The following ERAP1 variants were observed in gnomAD, a reference collection of about 807,000 sequenced individuals.
ERAP1 encodes adipocyte-derived leucine aminopeptidase.
Under a neutral mutation model 103.7 loss-of-function variants are expected in ERAP1, and 86 were observed. The ratio of observed to expected loss-of-function variants is 0.83; its 90% CI spans 0.70 to 0.99. The LOEUF (loss-of-function observed/expected upper bound fraction) is 0.99. ERAP1 is among the 50% of genes least tolerant of loss of function. ERAP1 has a pLI of 0.00. For missense variants in ERAP1, 1,009 were observed against 1,128.4 expected (o/e 0.89, Z 1.52); for synonymous variants, 398 against 402.4 (o/e 0.99, Z 0.13).
At chr5:96,816,050 T>C in the ERAP1 span, among the ~76,000 whole-genome samples, 1 of 152,172 alleles carries the variant, frequency 6.6e-6, no homozygotes, top group Admixed American at 6.5e-5. Flanking sequence ...AAGCAGATTT[T>C]CCACACGTTA....
At chr5:96,886,826 A>T in the ERAP1 span, 2 of 1,370,206 alleles carry the variant, frequency 1.5e-6, no homozygotes, top group South Asian at 4.3e-5. Flanking sequence ...CAGTGCAGAA[A>T]AGTGTCCTGA....
intron 17 of ERAP1, 138 bp from the exon 18 acceptor site, chr5:96,780,642 G>A (rs1473146798): frequency 1.4e-6 from 1 of 728,254 alleles, no homozygotes; most frequent in African/African-American, 1.8e-5. Flanking sequence ...TCTATCCAAT[G>A]GGTTAAGATC....
rs6556940 is a variant in ERAP1 at position 96,795,022 on chromosome 5, T to C, written c.919+20A>G. Reference sequence around the variant, plus strand: ...TGTGTTCATCAAATGTCATGTGTAATATCTGTGCAAAATCTCTACCTTGTT... The same window carrying C: ...TGTGTTCATCAAATGTCATGTGTAACATCTGTGCAAAATCTCTACCTTGTT... On this transcript the variant is annotated intron_variant, in intron 5 of 18. Transcript: ENST00000443439. 1.3e-5 allele frequency: 21 copies of C among 1,613,544 alleles called. No individual in the cohort carries two copies. The African/African-American group carries it at 2.8e-4, about 22-fold the overall frequency.
chr5:96,795,060 A>G lies in ERAP1; in HGVS notation c.901T>C (p.Tyr301His). Residue 301 changes from tyrosine (Y) to histidine (H), a missense_variant, in exon 5 of 19, where the codon TAT becomes CAT. Physicochemically the swap from Tyr to His is moderately conservative, Grantham distance 83. Around this residue, in one of 3 missense-constraint regions of ERAP1, gnomAD observed 392 missense variants for 455.2 expected, o/e 0.86. Coordinates refer to ENST00000443439, the MANE Select transcript of ERAP1 (RefSeq NM_001040458.3). Reference sequence around the variant, plus strand: ...TCTCTACCTTGTTTGGGTAGGGGATACGGTATGCTGAAATAATCCTCATAA... The same window carrying G: ...TCTCTACCTTGTTTGGGTAGGGGATGCGGTATGCTGAAATAATCCTCATAA... The part of the protein sequence containing the change: ...EFYEDYFSIP[Y>H]PLPKQDLAAI... 6.2e-7 allele frequency: 1 copy of G among 1,614,050 alleles called. No homozygotes were observed. The highest frequency in any genetic ancestry group is 8.5e-7 in the Non-Finnish European group (1 of 1,179,984).
chr5:96,851,863 G>T, the ERAP1 span, among the ~76,000 whole-genome samples: 1 of 152,182 alleles, frequency 6.6e-6, no homozygotes, highest in East Asian at 1.9e-4. Flanking sequence ...GCTGAGACAC[G>T]TGGGAAAAGG....
chr5:96,884,281 A>T, the ERAP1 span, among the ~76,000 whole-genome samples: 6 of 152,292 alleles, frequency 3.9e-5, no homozygotes, highest in Admixed American at 2.6e-4. Context: ...GTCCAGATTA[A>T]TGGTCTGAGA....
chr5:96,879,705 TG>T, the ERAP1 span: 1 of 1,613,848 alleles, frequency 6.2e-7, no homozygotes. Context: ...TCTTCTGCAA[TG>T]GTTAATTCAC....
the ERAP1 span, among the ~76,000 whole-genome samples, chr5:96,831,747 A>G: frequency 6.6e-6 from 1 of 152,192 alleles, no homozygotes. Context: ...TGCAGAATCC[A>G]GGCTTAGCAG....
chr5:96,889,253 A>G, the ERAP1 span: 14 of 1,613,784 alleles, frequency 8.7e-6, no homozygotes, highest in Non-Finnish European at 1.2e-5. Context: ...CACTGAAGCT[A>G]CTTGATTTTT....
At chr5:96,877,983 A>G in the ERAP1 span, among the ~76,000 whole-genome samples, 2 of 152,258 alleles carry the variant, frequency 1.3e-5, no homozygotes, top group African/African-American at 2.4e-5. Flanking sequence ...TTATAAAAAG[A>G]AGAAGTAGCA....
the ERAP1 span, among the ~76,000 whole-genome samples, chr5:96,870,131 G>A: frequency 1.3e-5 from 2 of 152,164 alleles, no homozygotes; most frequent in African/African-American, 4.8e-5. Flanking sequence ...AGTAGGACCA[G>A]GGGCTGCAAA....
upstream of ERAP1, among the ~76,000 whole-genome samples, chr5:96,811,703 T>A (rs928076499): frequency 6.6e-6 from 1 of 152,240 alleles, no homozygotes; most frequent in Non-Finnish European, 1.5e-5. Flanking sequence ...TGCCAGATTC[T>A]GTAGGAACAA....
At chr5:96,771,304 G>C (rs1772225244), downstream of ERAP1, among the ~76,000 whole-genome samples, 1 of 152,042 alleles carries the variant, frequency 6.6e-6, no homozygotes, top group African/African-American at 2.4e-5. Flanking sequence ...TGGATTTACT[G>C]GACAGCCATG....
chr5:96,857,619 G>T, the ERAP1 span, among the ~76,000 whole-genome samples: 1 of 152,166 alleles, frequency 6.6e-6, no homozygotes, highest in African/African-American at 2.4e-5. Context: ...CTTTCCGAAG[G>T]TTACATAGCC....
the ERAP1 span, among the ~76,000 whole-genome samples, chr5:96,883,166 G>A: frequency 6.6e-6 from 1 of 152,110 alleles, no homozygotes; most frequent in Non-Finnish European, 1.5e-5. Context: ...CCTCCAGTGG[G>A]GGACACGTGA....
chr5:96,803,714 A>C lies in ERAP1; in HGVS notation c.213T>G (p.Leu71=), dbSNP rs760364931. The C allele has an allele frequency of 1.9e-6, 3 of 1,614,214 alleles. No individual in the cohort carries two copies. The highest frequency in any genetic ancestry group is 2.5e-6 in the Non-Finnish European group (3 of 1,180,042). ...VHYDLLIHAN[L]TTLTFWGTTK... ...TGGTTCCCCAGAAGGTCAGCGTGGT[A>C]AGGTTTGCATGGATCAAGAGATCAT... The change falls in exon 2 of 19, where the codon CTT becomes CTG. Residue 71 remains leucine, a synonymous_variant. Transcript: ENST00000443439.
the ERAP1 span, among the ~76,000 whole-genome samples, chr5:96,890,995 T>C: frequency 1.3e-5 from 2 of 152,168 alleles, no homozygotes; most frequent in African/African-American, 2.4e-5. Context: ...AGAGCAGATA[T>C]AAGTCCCACT....
the ERAP1 span, among the ~76,000 whole-genome samples, chr5:96,868,245 T>C: frequency 6.6e-6 from 1 of 152,172 alleles, no homozygotes; most frequent in Non-Finnish European, 1.5e-5. Flanking sequence ...CTGCTGCATA[T>C]TATTGAAGGC....
At chr5:96,884,750 G>A in the ERAP1 span, among the ~76,000 whole-genome samples, 1 of 151,284 alleles carries the variant, frequency 6.6e-6, no homozygotes, top group Non-Finnish European at 1.5e-5. Context: ...CAGTAGAGAC[G>A]GGGTTTCACC....
Sources: gnomAD v4.1 joint callset for allele counts (sites outside exome capture counted in the v4.1 genomes callset) on GRCh38, gnomAD v4.1.1 for gene constraint, gnomAD v4.1.1 regional missense constraint, MANE v1.5 for transcripts, NCBI Gene and HGNC (gene_info 2026-07-23, HGNC 2026-07-21) for gene names.